Variants in ZNRF1 observed in about 807,000 individuals in gnomAD.
The protein encoded by ZNRF1 is E3 ubiquitin-protein ligase ZNRF1.
In ZNRF1, 3 loss-of-function variants were observed where a neutral mutation model predicts 18.4. That is an observed-to-expected ratio of 0.16 (90% confidence interval 0.07 to 0.42). The LOEUF is 0.42. Among genes scored for constraint, ZNRF1 ranks in the 10% least tolerant of loss-of-function variants. The pLI, the probability that ZNRF1 is intolerant of heterozygous loss-of-function variation, is 0.99. For synonymous variants in ZNRF1, 157 were observed against 144.2 expected, an observed-to-expected ratio of 1.09 and a Z score of -0.64; for missense variants, 310 against 329.8, an observed-to-expected ratio of 0.94 and a Z score of 0.47.
chr16:75,053,473 C>T (rs966477504), intron 1 of ZNRF1, among the ~76,000 whole-genome samples: 4 of 151,528 alleles, frequency 2.6e-5, no homozygotes, highest in Non-Finnish European at 5.9e-5. Context: ...CCTATAGTCC[C>T]AGCTACTCAA....
chr16:75,027,148 G>C (rs1172535271), intron 1 of ZNRF1, among the ~76,000 whole-genome samples: 2 of 151,792 alleles, frequency 1.3e-5, no homozygotes, highest in Non-Finnish European at 2.9e-5. Context: ...GCTCCTTCCT[G>C]TAATCCCAGC....
chr16:75,049,817 A>C (rs1426865805), intron 1 of ZNRF1, among the ~76,000 whole-genome samples: 2 of 149,568 alleles, frequency 1.3e-5, no homozygotes, highest in Admixed American at 1.4e-4. Flanking sequence ...GACCATATTC[A>C]GATCTCATCA....
At chr16:75,034,691 A>G (rs944671425) in intron 1 of ZNRF1, among the ~76,000 whole-genome samples, 1 of 152,170 alleles carries the variant, frequency 6.6e-6, no homozygotes, top group Admixed American at 6.5e-5. Flanking sequence ...ACAGTGCATG[A>G]TCTTGGCTCA....
Position 75,063,218 on chromosome 16 carries a change from CAG to C in ZNRF1, c.425-30353_425-30352del, listed in dbSNP as rs1212044118. On this transcript the variant is annotated intron_variant, in intron 1 of 4. Coordinates refer to ENST00000335325, the MANE Select transcript of ZNRF1 (RefSeq NM_032268.5). ...TAGCCCCGCTTCCCCAGCGCCACGC[CAG>C]CAGCAAGCTGGGCGCTCACAGCCGG... Among the ~76,000 whole-genome samples the C allele has an allele frequency of 9.2e-5, 14 of 152,304 alleles. No homozygotes were observed. In the East Asian group the frequency reaches 1.9e-3, roughly 21 times the overall value.
intron 1 of ZNRF1, among the ~76,000 whole-genome samples, chr16:75,075,991 G>A (rs1359819442): frequency 6.6e-6 from 1 of 152,174 alleles, no homozygotes; most frequent in Non-Finnish European, 1.5e-5. Context: ...TACATATGTG[G>A]ACTCAGGAGA....
Position 75,081,547 on chromosome 16 carries a change from A to G in ZNRF1, c.425-12025A>G, listed in dbSNP as rs556011738. On this transcript the variant is annotated intron_variant, in intron 1 of 4. Coordinates refer to ENST00000335325, the MANE Select transcript of ZNRF1 (RefSeq NM_032268.5). ...CAGGGGAATTCAAGCCACTCTAAGG[A>G]GTGTTCTCTGGCATTGCCCAAACGC... Among the ~76,000 whole-genome samples the G allele has an allele frequency of 9.9e-5, 15 of 152,270 alleles. No homozygotes were observed. The South Asian group carries it at 2.9e-3, about 29-fold the overall frequency.
At chr16:75,006,174 G>A (rs114840207) in intron 1 of ZNRF1, among the ~76,000 whole-genome samples, 3,458 of 152,234 alleles carry the variant, frequency 0.023, 44 homozygotes, top group Middle Eastern at 0.054. Context: ...CATTGACCAC[G>A]GGTAACTGAA....
chr16:75,095,676 G>A (rs2036189598), intron 2 of ZNRF1: 1 of 1,549,960 alleles, frequency 6.5e-7, no homozygotes, highest in Non-Finnish European at 8.7e-7. Flanking sequence ...GAGCAGCCGT[G>A]GAGGACAGAG....
chr16:75,081,498 G>A (rs1223376427), intron 1 of ZNRF1, among the ~76,000 whole-genome samples: 1 of 152,196 alleles, frequency 6.6e-6, no homozygotes, highest in Non-Finnish European at 1.5e-5. Context: ...GGCTCCAGTT[G>A]TTGCTGATTT....
intron 1 of ZNRF1, among the ~76,000 whole-genome samples, chr16:75,002,096 T>A (rs756419876): frequency 1.8e-4 from 28 of 152,210 alleles, no homozygotes; most frequent in Admixed American, 6.5e-5. Context: ...ATCCAGCAGT[T>A]CAGTGTGTCA....
At chr16:75,097,419 A>C (rs375339634) in intron 2 of ZNRF1, among the ~76,000 whole-genome samples, 1 of 152,194 alleles carries the variant, frequency 6.6e-6, no homozygotes, top group Non-Finnish European at 1.5e-5. Flanking sequence ...CTGGGGGAGC[A>C]GAAGCCCATG....
intron 1 of ZNRF1, among the ~76,000 whole-genome samples, chr16:75,015,943 G>A (rs143111616): frequency 0.011 from 1,495 of 140,504 alleles, 21 homozygotes; most frequent in African/African-American, 0.037. Flanking sequence ...TTTTTGAGAC[G>A]GAGTGTTGCT....
intron 1 of ZNRF1, among the ~76,000 whole-genome samples, chr16:75,001,496 T>G (rs1019573699): frequency 6.6e-6 from 1 of 152,196 alleles, no homozygotes; most frequent in Non-Finnish European, 1.5e-5. Context: ...CTGCCCTGAG[T>G]GAGAAGCAGG....
At chr16:75,091,301 G>A (rs922830518) in intron 1 of ZNRF1, among the ~76,000 whole-genome samples, 4 of 151,172 alleles carry the variant, frequency 2.6e-5, no homozygotes, top group African/African-American at 9.7e-5. Context: ...AGAGGTTGCA[G>A]TGAGCGGAGA....
chr16:75,029,325 T>G (rs1299082678), intron 1 of ZNRF1, among the ~76,000 whole-genome samples: 1 of 152,004 alleles, frequency 6.6e-6, no homozygotes, highest in Admixed American at 6.6e-5. Flanking sequence ...TTTTTTTGTA[T>G]TTTTAGTAGA....
At chr16:75,077,616 G>A (rs142939245) in intron 1 of ZNRF1, among the ~76,000 whole-genome samples, 4 of 152,294 alleles carry the variant, frequency 2.6e-5, no homozygotes, top group African/African-American at 7.2e-5. Flanking sequence ...TGTTGTTGCT[G>A]TAGCAAATAT....
chr16:75,001,278 C>A (rs947529197), intron 1 of ZNRF1, among the ~76,000 whole-genome samples: 5 of 152,068 alleles, frequency 3.3e-5, no homozygotes, highest in African/African-American at 9.7e-5. Flanking sequence ...TCTTTCCCCC[C>A]CCCTGCAAAT....
intron 1 of ZNRF1, among the ~76,000 whole-genome samples, chr16:75,078,670 G>C (rs965740630): frequency 6.6e-6 from 1 of 152,182 alleles, no homozygotes. Context: ...TTGAAGTGCT[G>C]ACTTGAGAGA....
Position 75,001,421 on chromosome 16 carries a change from G to A in ZNRF1, c.424+1326G>A, listed in dbSNP as rs570830804. On this transcript the variant is annotated intron_variant, in intron 1 of 4. Transcript: ENST00000335325. ...CTTAGAAGTAGCTTGTGAATTGTTA[G>A]GATGATATTTTAATCTCTGACAGAC... 3.3e-5 allele frequency among the ~76,000 whole-genome samples: 5 copies of A among 151,812 alleles called. No homozygotes were observed. In the South Asian group the frequency reaches 1.0e-3, roughly 32 times the overall value.
Sources: gnomAD v4.1 joint callset for allele counts (sites outside exome capture counted in the v4.1 genomes callset) on GRCh38, gnomAD v4.1.1 for gene constraint, MANE v1.5 for transcripts, NCBI Gene and HGNC (gene_info 2026-07-23, HGNC 2026-07-21) for gene names.